Variants in LIMCH1 observed in about 807,000 individuals in gnomAD.
LIMCH1 encodes LIM and calponin homology domains-containing protein 1.
A neutral mutation model predicts 176.5 loss-of-function variants in LIMCH1; 113 were observed. The observed-to-expected ratio is 0.64, with a 90% CI of 0.55 to 0.75. The LOEUF (loss-of-function observed/expected upper bound fraction) is 0.75. Among genes scored for constraint, LIMCH1 ranks in the 30% least tolerant of loss-of-function variants. The pLI is 0.00. For missense variants in LIMCH1, 1,674 were observed against 1,814.9 expected, an observed-to-expected ratio of 0.92 and a Z score of 1.41; for synonymous variants, 619 against 645.9, an observed-to-expected ratio of 0.96 and a Z score of 0.63.
At chr4:41,429,637 T>G (rs1316124778) in intron 1 of LIMCH1, among the ~76,000 whole-genome samples, 1 of 152,244 alleles carries the variant, frequency 6.6e-6, no homozygotes, top group Admixed American at 6.5e-5. Flanking sequence ...GGCACTTATA[T>G]TTTTCCAGTT....
At chr4:41,484,965 G>A (rs946636291) in intron 1 of LIMCH1, among the ~76,000 whole-genome samples, 2 of 152,158 alleles carry the variant, frequency 1.3e-5, no homozygotes, top group Admixed American at 1.3e-4. Flanking sequence ...ATCAGGCTGC[G>A]AGACTGATTC....
At chr4:41,694,719 A>G (rs969441677) in intron 31 of LIMCH1, among the ~76,000 whole-genome samples, 1 of 152,168 alleles carries the variant, frequency 6.6e-6, no homozygotes, top group African/African-American at 2.4e-5. Flanking sequence ...TTGTGCATAT[A>G]TCTTGGTGAA....
intron 1 of LIMCH1, among the ~76,000 whole-genome samples, chr4:41,377,689 G>A (rs990397760): frequency 2.0e-5 from 3 of 152,172 alleles, no homozygotes; most frequent in African/African-American, 4.8e-5. Context: ...AGACTGGGAA[G>A]TCCAAGGTTA....
In LIMCH1 at chr4:41,662,880, T is replaced by C. The variant is rs1406177393; in HGVS notation, c.3187T>C (p.Phe1063Leu). The C allele has an allele frequency of 1.9e-6, 3 of 1,614,010 alleles. No homozygotes were observed. Residue 1063 changes from phenylalanine (F) to leucine (L), a missense_variant, in exon 20 of 32, where the codon TTT becomes CTT. Phe to Leu is a conservative substitution (Grantham distance 22). Coordinates refer to ENST00000503057, the MANE Select transcript of LIMCH1 (RefSeq NM_001330672.2). The part of the protein sequence containing the change: ...RCSPTVAFVE[F>L]PSSPQLKNDV... ...CAGCCCGACCGTGGCCTTTGTGGAA[T>C]TTCCCTCCAGCCCCCAGCTGAAGAA...
chr4:41,495,849 T>C (rs1357645996), intron 2 of LIMCH1, among the ~76,000 whole-genome samples: 5 of 152,228 alleles, frequency 3.3e-5, no homozygotes, highest in Non-Finnish European at 4.4e-5. Flanking sequence ...TCCCCACTGC[T>C]CTTCTTTCTT....
chr4:41,667,912 A>C (rs898365017), intron 21 of LIMCH1, among the ~76,000 whole-genome samples: 4 of 151,926 alleles, frequency 2.6e-5, no homozygotes, highest in African/African-American at 9.7e-5. Context: ...CAGGAGGAGC[A>C]CTTGAGGCCA....
intron 28 of LIMCH1, among the ~76,000 whole-genome samples, chr4:41,686,439 A>G (rs766734629): frequency 1.3e-5 from 2 of 152,220 alleles, no homozygotes; most frequent in Non-Finnish European, 2.9e-5. Flanking sequence ...ACTTATCCAA[A>G]TTATTTAACT....
Position 41,360,888 on chromosome 4 carries a change from C to G in LIMCH1, c.48C>G (p.Pro16=). ...TGGAAGCTCTTCAGCCCCTGCAGCCCGAGCCGCCCCCCGAGCCCGCCTTCT... is the reference window on the plus strand; with the variant it reads ...TGGAAGCTCTTCAGCCCCTGCAGCCGGAGCCGCCCCCCGAGCCCGCCTTCT... Residue 16 remains proline, a synonymous_variant, in exon 1 of 27, where the codon CCC becomes CCG. Transcript: ENST00000313860. This position sits in a 1 kb window ranked among gnomAD's most constrained non-coding sequence, Gnocchi z 4.5. 6.3e-7 allele frequency: 1 copy of G among 1,588,148 alleles called. No homozygotes were observed.
rs548225522 is a variant in LIMCH1 at position 41,518,705 on chromosome 4, G to C, written c.168-5704G>C. ...TAGGTTTTAAGCCCCACATGCATTAGGTATTTGTCCTAATGTTCTGCCTCT... is the reference window on the plus strand; with the variant it reads ...TAGGTTTTAAGCCCCACATGCATTACGTATTTGTCCTAATGTTCTGCCTCT... On this transcript the variant is annotated intron_variant, in intron 2 of 26. Transcript: ENST00000313860. Among the ~76,000 whole-genome samples the C allele has an allele frequency of 2.4e-4, 36 of 152,270 alleles. No individual in the cohort carries two copies. In the East Asian group the frequency reaches 4.8e-3, roughly 20 times the overall value.
chr4:41,633,676 AC>A lies in LIMCH1; in HGVS notation c.1959del (p.Asp653GlufsTer2). 1 of 1,536,170 alleles carries A rather than the reference AC, an allele frequency of 6.5e-7. No homozygotes were observed. Among genetic ancestry groups the A allele is most frequent in the Non-Finnish European group, 8.7e-7 (1 of 1,146,922 alleles). On this transcript the variant is annotated frameshift_variant, in exon 13 of 32. Coordinates refer to ENST00000503057, the MANE Select transcript of LIMCH1 (RefSeq NM_001330672.2). LOFTEE classifies it high-confidence loss of function. The part of the protein sequence containing the change: ...QRKLDDSRKD[D>X]MMARRTGMSL... ...AAGTTGGATGATTCACGAAAAGATG[AC>A]ATGATGGCCAGGAGAACTGGGATGT... is the stretch of plus-strand genomic sequence containing the variant.
chr4:41,496,672 TG>T lies in LIMCH1; in HGVS notation c.167+2067del, dbSNP rs1217030742. Among the ~76,000 whole-genome samples the T allele has an allele frequency of 5.9e-5, 9 of 152,318 alleles. No individual in the cohort carries two copies. In the South Asian group the frequency reaches 1.9e-3, roughly 32 times the overall value. On this transcript the variant is annotated intron_variant, in intron 2 of 26. Coordinates refer to the LIMCH1 transcript ENST00000313860. ...TTTGTGTAAGTTGAGACTATTAGGC[TG>T]CTACAGACTGAGATTAGCAGGTGTA...
intron 3 of LIMCH1, among the ~76,000 whole-genome samples, chr4:41,605,541 T>C (rs760419135): frequency 1.6e-4 from 25 of 152,232 alleles, no homozygotes; most frequent in Non-Finnish European, 2.9e-4. Context: ...CTTCTCTGGA[T>C]AAAGATTCCA....
chr4:41,652,720 G>A (rs1409553258), intron 18 of LIMCH1, among the ~76,000 whole-genome samples: 3 of 152,018 alleles, frequency 2.0e-5, no homozygotes, highest in Non-Finnish European at 4.4e-5. Context: ...ATTTCACATT[G>A]ATTACATATC....
chr4:41,587,144 A>T (rs1041798572), intron 1 of LIMCH1, among the ~76,000 whole-genome samples: 2 of 152,348 alleles, frequency 1.3e-5, no homozygotes, highest in Middle Eastern at 6.8e-3. Context: ...AAGAGTTTGT[A>T]TGCTAAAAAT....
intron 1 of LIMCH1, among the ~76,000 whole-genome samples, chr4:41,577,681 G>A (rs907582464): frequency 1.3e-5 from 2 of 151,994 alleles, no homozygotes; most frequent in South Asian, 4.2e-4. Flanking sequence ...CTCTAGACTC[G>A]GCCTCCCAAA....
At chr4:41,654,280 C>T (rs1051224902) in intron 18 of LIMCH1, among the ~76,000 whole-genome samples, 1 of 152,144 alleles carries the variant, frequency 6.6e-6, no homozygotes, top group Non-Finnish European at 1.5e-5. Context: ...TCTCATGATG[C>T]TGGGCATGGT....
chr4:41,674,798 G>T (rs1363940127), intron 22 of LIMCH1, among the ~76,000 whole-genome samples: 1 of 152,170 alleles, frequency 6.6e-6, no homozygotes, highest in African/African-American at 2.4e-5. Flanking sequence ...CATCCTAAAA[G>T]TGAAAAATAG....
At chr4:41,363,427 T>C (rs945385663) in intron 1 of LIMCH1, among the ~76,000 whole-genome samples, 1 of 152,206 alleles carries the variant, frequency 6.6e-6, no homozygotes, top group Non-Finnish European at 1.5e-5. Flanking sequence ...TTTTTTTCTT[T>C]CTTTCTTCTT....
intron 1 of LIMCH1, among the ~76,000 whole-genome samples, chr4:41,378,320 C>T (rs2055087653): frequency 6.6e-6 from 1 of 152,218 alleles, no homozygotes; most frequent in Non-Finnish European, 1.5e-5. Flanking sequence ...CTGCCATTTA[C>T]TAATGCTATG....
Sources: gnomAD v4.1 joint callset for allele counts (sites outside exome capture counted in the v4.1 genomes callset) on GRCh38, gnomAD v4.1.1 for gene constraint, Gnocchi (gnomAD v3.1) non-coding constraint, MANE v1.5 for transcripts, NCBI Gene and HGNC (gene_info 2026-07-23, HGNC 2026-07-21) for gene names.